The following CAPN15 variants were observed in gnomAD, a reference collection of about 807,000 sequenced individuals.
CAPN15 encodes calpain 15.
A neutral mutation model predicts 97.9 loss-of-function variants in CAPN15; 53 were observed. The observed-to-expected ratio is 0.54, with a 90% CI of 0.43 to 0.68. The LOEUF is 0.68. Ranked by LOEUF, CAPN15 falls within the 30% of genes least tolerant of loss-of-function variation. The probability of loss-of-function intolerance (pLI) is 0.00; values close to 1 mark genes in which losing one functional copy is unlikely to be tolerated. For missense variants in CAPN15, 1,592 were observed against 1,589.8 expected (o/e 1.00, Z -0.02); for synonymous variants, 922 against 722.5 (o/e 1.28, Z -4.43).
In CAPN15 at chr16:554,255, A is replaced by T. The variant is rs1456929342; in HGVS notation, c.*739A>T. The T allele has an allele frequency of 3.0e-6, 1 of 329,156 alleles. No individual in the cohort carries two copies. Among genetic ancestry groups the T allele is most frequent in the East Asian group, 7.9e-5 (1 of 12,622 alleles). The allele number at this position is 329,156 out of a possible 1,614,324, so 20.4% of individuals were successfully genotyped here. The stretch of plus-strand genomic sequence containing the variant: ...CTCGGCCCGGCCCTGCCAGAGAGGG[A>T]CCCCAGCACATCGTGGGCACGGGCA... On this transcript the variant is annotated 3_prime_UTR_variant, in exon 14 of 14. Transcript: ENST00000219611.
rs2033158148 is a variant in CAPN15 at position 530,281 on chromosome 16, G to C, written c.-190+2252G>C. ...GGATGTGGCGCCGAGGGCAGGGTCC[G>C]TTTCTGTTTCTTGGTAGGCCTAGTG... On this transcript the variant is annotated intron_variant, in intron 1 of 13. Transcript: ENST00000219611. Among the ~76,000 whole-genome samples, 2 of 152,332 alleles carry C rather than the reference G, an allele frequency of 1.3e-5. 1 individual carries two copies. The highest frequency in any genetic ancestry group is 4.1e-4 in the South Asian group (2 of 4,828).
chr16:552,801 T>TGGGGGGGGGGGGGGGGGGG lies in CAPN15; in HGVS notation c.2904+34_2904+35insGGGGGGGGGGGGGGGGGGG. Reference sequence around the variant, plus strand: ...GTGGGGGTCCCGGGGGAGGGTGGCGTGGGGCAGGGGGAGTATGCCCCAGCA... The same window carrying TGGGGGGGGGGGGGGGGGGG: ...GTGGGGGTCCCGGGGGAGGGTGGCGTGGGGGGGGGGGGGGGGGGGGGGGCAGGGGGAGTATGCCCCAGCA... On this transcript the variant is annotated intron_variant, in intron 12 of 13. Coordinates refer to ENST00000219611, the MANE Select transcript of CAPN15 (RefSeq NM_005632.3). The surrounding 1 kb of genome is among the most constrained non-coding windows in gnomAD (Gnocchi z 6.4). 6.6e-7 allele frequency: 1 copy of TGGGGGGGGGGGGGGGGGGG among 1,504,546 alleles called. No homozygotes were observed. The highest frequency in any genetic ancestry group is 8.9e-7 in the Non-Finnish European group (1 of 1,119,170). 93.2% of individuals were successfully genotyped at this position (1,504,546 alleles called of 1,614,324 possible). A position where few individuals can be genotyped will look rare whatever the true frequency, so the allele number is the denominator to read the frequency against.
At position 547,068 on chromosome 16, in the gene CAPN15, C is replaced by T. The variant is rs1445955153; in HGVS notation, c.230C>T (p.Ala77Val). The T allele has an allele frequency of 5.0e-6, 8 of 1,599,618 alleles. No individual in the cohort carries two copies. The highest frequency in any genetic ancestry group is 5.1e-6 in the Non-Finnish European group (6 of 1,175,280). Residue 77 changes from alanine to valine, a missense_variant, in exon 4 of 14, where the codon GCT (alanine) becomes GTT (valine). By Grantham distance (64) the Ala-to-Val change is moderately conservative (BLOSUM62 0). Around this residue, in one of 3 missense-constraint regions of CAPN15, gnomAD observed 883 missense variants for 776.6 expected, o/e 1.14. Coordinates refer to ENST00000219611, the MANE Select transcript of CAPN15 (RefSeq NM_005632.3). ...TTCACCCCGGAGCCTGCGCCTGGGG[C>T]TGCCTTCCTGCCAGTCCTCAACGGG... ...CGFTPEPAPG[A>V]AFLPVLNGVL...
chr16:549,688 T>G lies in CAPN15; in HGVS notation c.1916T>G (p.Leu639Arg). Residue 639 changes from leucine to arginine, a missense_variant, in exon 7 of 14, where the codon CTC becomes CGC. Coordinates refer to ENST00000219611, the MANE Select transcript of CAPN15 (RefSeq NM_005632.3). ...AAGCTGCACGGCTCCTACTTTGCGC[T>G]CCAGGCGGGCCGCGCCATCGAAGGC... ...LAKLHGSYFA[L>R]QAGRAIEGLA... The G allele has an allele frequency of 6.4e-7, 1 of 1,562,996 alleles. No individual in the cohort carries two copies. The highest frequency in any genetic ancestry group is 8.6e-7 in the Non-Finnish European group (1 of 1,157,082).
rs750725159 is a variant in CAPN15, at chr16:548,058, G to T, written c.1220G>T (p.Arg407Leu). 1.9e-6 allele frequency: 3 copies of T among 1,549,760 alleles called. No individual in the cohort carries two copies. The highest frequency in any genetic ancestry group is 1.4e-5 in the African/African-American group (1 of 73,228). The change falls in exon 4 of 14, where the codon CGC becomes CTC. Residue 407 changes from arginine (R) to leucine (L), a missense_variant. Arg to Leu is a moderately radical substitution (Grantham distance 102, BLOSUM62 -2). Transcript: ENST00000219611. Reference protein sequence around the residue: ...GRVSSAQKAARVLPERPGQWA... With the variant: ...GRVSSAQKAALVLPERPGQWA... The stretch of plus-strand genomic sequence containing the variant: ...GTGTCCTCGGCCCAGAAGGCCGCCC[G>T]CGTCCTGCCCGAGCGCCCGGGCCAG...
intron 3 of CAPN15, among the ~76,000 whole-genome samples, chr16:540,688 C>T (rs1026025328): frequency 1.3e-5 from 2 of 152,206 alleles, no homozygotes; most frequent in African/African-American, 4.8e-5. Flanking sequence ...GCTGCAGGCT[C>T]TGGGCATATT....
In CAPN15 at chr16:553,477, G is replaced by T. The variant is rs149989399; in HGVS notation, c.3222G>T (p.Thr1074=). 3 of 1,609,078 alleles carry T rather than the reference G, an allele frequency of 1.9e-6. No individual in the cohort carries two copies. Among genetic ancestry groups the T allele is most frequent in the Non-Finnish European group, 2.5e-6 (3 of 1,178,390 alleles). ...ASKGTHSPPL[T]PEVAGLHGPR... ...AGGGGACCCACAGCCCCCCACTCAC[G>T]CCAGAGGTCGCCGGTCTGCATGGGC... Residue 1074 remains threonine (T), a synonymous_variant, in exon 14 of 14, where the codon ACG becomes ACT. Transcript: ENST00000219611.
intron 3 of CAPN15, chr16:539,325 G>C (rs1271735873): frequency 6.6e-6 from 1 of 152,320 alleles, no homozygotes; most frequent in Non-Finnish European, 1.5e-5. Flanking sequence ...CCCCAATCTT[G>C]GCAGGGAGAG....
intron 4 of CAPN15, 31 bp downstream of exon 4, chr16:548,318 C>T (rs1176038841): frequency 6.9e-7 from 1 of 1,440,082 alleles, no homozygotes. Context: ...CTTCCTGCTC[C>T]TGAGCCTCCT....
rs1464359182 is a variant in CAPN15, at chr16:554,403, C to T, written c.*887C>T. ...CGGGCCGGCCTCGCCCCCACTCCCC[C>T]TCCTACCCCGGCAGGGGCTTCCGGG... On this transcript the variant is annotated 3_prime_UTR_variant, in exon 14 of 14. Transcript: ENST00000219611. The T allele has an allele frequency of 4.7e-6, 2 of 425,464 alleles. No homozygotes were observed. Among genetic ancestry groups the T allele is most frequent in the African/African-American group, 4.1e-5 (2 of 49,144 alleles). 26.4% of individuals were successfully genotyped at this position (425,464 alleles called of 1,614,324 possible).
chr16:547,134 G>T lies in CAPN15; in HGVS notation c.296G>T (p.Gly99Val). 6.4e-7 allele frequency: 1 copy of T among 1,559,604 alleles called. No individual in the cohort carries two copies. Among genetic ancestry groups the T allele is most frequent in the South Asian group, 1.2e-5 (1 of 83,802 alleles). ...CCCGCCATCCTGGGGGAGCCCAAGG[G>T]CAGCTGCCAGGAGGAAGCAGGTCCA... Reference protein sequence around the residue: ...KPPAILGEPKGSCQEEAGPVR... With the variant: ...KPPAILGEPKVSCQEEAGPVR... The change falls in exon 4 of 14, where the codon GGC becomes GTC. Residue 99 changes from glycine (G) to valine (V), a missense_variant. This residue lies in a region of CAPN15 where 883 missense variants were observed against 776.6 expected (regional missense o/e 1.14). Transcript: ENST00000219611.
In CAPN15 at chr16:549,315, G is replaced by A. The variant is rs376850088; in HGVS notation, c.1686G>A (p.Ala562=). ...CWFLSALAVL[A]ERPDLVERVM... is the part of the protein sequence containing the mutation. ...TCCTGAGCGCCCTGGCGGTGCTGGCGGAGCGGCCGGACCTGGTGGAGCGGG... is the reference window on the plus strand; with the variant it reads ...TCCTGAGCGCCCTGGCGGTGCTGGCAGAGCGGCCGGACCTGGTGGAGCGGG... The change falls in exon 6 of 14, where the codon GCG becomes GCA. Residue 562 remains alanine, a synonymous_variant. Transcript: ENST00000219611. 53 of 1,592,560 alleles carry A rather than the reference G, an allele frequency of 3.3e-5. No individual in the cohort carries two copies. The highest frequency in any genetic ancestry group is 4.0e-5 in the African/African-American group (3 of 74,866).
rs1205716097 is a variant in CAPN15 at position 535,145 on chromosome 16, G to A, written c.-136-884G>A. Among the ~76,000 whole-genome samples, 10 of 152,124 alleles carry A rather than the reference G, an allele frequency of 6.6e-5. No individual in the cohort carries two copies. The highest frequency in any genetic ancestry group is 1.2e-4 in the Non-Finnish European group (8 of 67,986). The stretch of plus-strand genomic sequence containing the variant: ...CTGACCCCGGGAGGTGCCTTTGCCT[G>A]CATCCACTGGAGCCTCAGGAGCATG... On this transcript the variant is annotated intron_variant, in intron 2 of 13. Coordinates refer to ENST00000219611, the MANE Select transcript of CAPN15 (RefSeq NM_005632.3). This position sits in a 1 kb window ranked among gnomAD's most constrained non-coding sequence, Gnocchi z 6.2.
rs145595428 is a variant in CAPN15 at position 547,258 on chromosome 16, G to A, written c.420G>A (p.Ala140=). 3,918 of 1,510,208 alleles carry A rather than the reference G, an allele frequency of 2.6e-3. 11 individuals are homozygous for A. Among genetic ancestry groups the A allele is most frequent in the South Asian group, 9.8e-3 (772 of 78,958 alleles). The allele number at this position is 1,510,208 out of a possible 1,614,324, so 93.6% of individuals were successfully genotyped here. ...AGGAGCAGGAGGAGGAGGAGGGAGC[G>A]GCGGAGCCCAGAGGGGGCTGGGCGT... ...EKEEQEEEEG[A]AEPRGGWACP... Residue 140 remains alanine (A), a synonymous_variant, in exon 4 of 14, where the codon GCG becomes GCA. Transcript: ENST00000219611.
At chr16:550,278 C>G (rs1019673581) in intron 7 of CAPN15, among the ~76,000 whole-genome samples, 1 of 152,228 alleles carries the variant, frequency 6.6e-6, no homozygotes, top group African/African-American at 2.4e-5. Context: ...TCCCGGAGCC[C>G]TCCTCTCAGC....
intron 3 of CAPN15, chr16:540,036 T>C (rs2034004544): frequency 3.1e-6 from 3 of 957,292 alleles, no homozygotes; most frequent in Non-Finnish European, 3.7e-6. Flanking sequence ...ATCATGCTGT[T>C]TCTTCTCTAT....
chr16:529,631 G>A (rs1340398093), intron 1 of CAPN15, among the ~76,000 whole-genome samples: 1 of 152,246 alleles, frequency 6.6e-6, no homozygotes, highest in Non-Finnish European at 1.5e-5. Context: ...CTCGGCCGTT[G>A]GTGGCCGAGT....
In CAPN15 at chr16:533,947, C is replaced by T; in HGVS notation, c.-188C>T. ...CTGATTAAATGCCTCCCTTTCTAGG[C>T]AGCAGCCCAGACGCGGCACAGAGAG... is the stretch of plus-strand genomic sequence containing the variant. On this transcript the variant is annotated splice_region_variant and 5_prime_UTR_variant, in exon 2 of 14. Coordinates refer to ENST00000219611, the MANE Select transcript of CAPN15 (RefSeq NM_005632.3). 1.0e-6 allele frequency: 1 copy of T among 985,380 alleles called. No individual in the cohort carries two copies. Among genetic ancestry groups the T allele is most frequent in the Non-Finnish European group, 1.2e-6 (1 of 829,870 alleles). The allele number at this position is 985,380 out of a possible 1,614,324, so 61.0% of individuals were successfully genotyped here.
chr16:534,235 G>GCCGTGGTCCTGTCGTGGGAGGCGACGGA (rs374380680), intron 2 of CAPN15, among the ~76,000 whole-genome samples: 1 of 151,436 alleles, frequency 6.6e-6, no homozygotes. Flanking sequence ...TCCCGACAGG[G>GCCGTGGTCCTGTCGTGGGAGGCGACGGA]GTGTTTGTCC....
Sources: gnomAD v4.1 joint callset for allele counts (sites outside exome capture counted in the v4.1 genomes callset) on GRCh38, gnomAD v4.1.1 for gene constraint, gnomAD v4.1.1 regional missense constraint, Gnocchi (gnomAD v3.1) non-coding constraint, MANE v1.5 for transcripts, NCBI Gene and HGNC (gene_info 2026-07-23, HGNC 2026-07-21) for gene names.